ROR1: variants seen among roughly 807,000 people sequenced by gnomAD.
ROR1 encodes the protein ROR family WNT receptor 1, also known as inactive tyrosine-protein kinase transmembrane receptor ROR1.
A neutral mutation model predicts 78.8 loss-of-function variants in ROR1; 19 were observed. That is an observed-to-expected ratio of 0.24 (90% CI 0.17 to 0.35). The LOEUF (loss-of-function observed/expected upper bound fraction) is 0.35, where lower values mean the gene tolerates loss of function less well. ROR1 is among the 10% of genes least tolerant of loss of function. ROR1 has a pLI of 1.00. For synonymous variants in ROR1, 386 were observed against 433.6 expected (o/e 0.89, Z 1.36); for missense variants, 917 against 1,177.8 (o/e 0.78, Z 3.24).
At chr1:64,022,362 G>T (rs116730410) in intron 2 of ROR1, among the ~76,000 whole-genome samples, 8,431 of 152,184 alleles carry the variant, frequency 0.055, 299 homozygotes, top group Non-Finnish European at 0.075. Context: ...CCACTAAATT[G>T]TTCACTTTAA....
At chr1:63,964,230 A>T (rs1252142193) in intron 1 of ROR1, among the ~76,000 whole-genome samples, 4 of 152,188 alleles carry the variant, frequency 2.6e-5, no homozygotes, top group African/African-American at 9.6e-5. Flanking sequence ...ACCAGATCCC[A>T]CTTCCCTTAG....
At chr1:63,959,740 C>T (rs1333322974) in intron 1 of ROR1, among the ~76,000 whole-genome samples, 1 of 152,204 alleles carries the variant, frequency 6.6e-6, no homozygotes, top group Non-Finnish European at 1.5e-5. Flanking sequence ...GATTCACTGG[C>T]TTCCCATTCC....
Position 64,048,125 on chromosome 1 carries a change from G to A in ROR1, c.164-1566G>A, listed in dbSNP as rs112976450. 3.9e-3 allele frequency among the ~76,000 whole-genome samples: 601 copies of A among 152,242 alleles called. 7 individuals carry two copies. The highest frequency in any genetic ancestry group is 0.014 in the African/African-American group (562 of 41,544). ...AGACATTTGGGCAATTAAATTACCC[G>A]GTTAAATAGCTCAGAAAAATGTTAC... On this transcript the variant is annotated intron_variant, in intron 2 of 8. Coordinates refer to ENST00000371079, the MANE Select transcript of ROR1 (RefSeq NM_005012.4).
chr1:63,914,384 A>C (rs1264574026), intron 1 of ROR1, among the ~76,000 whole-genome samples: 1 of 152,108 alleles, frequency 6.6e-6, no homozygotes, highest in Non-Finnish European at 1.5e-5. Flanking sequence ...GTGTGGTTTC[A>C]CTTCCTAGGG....
intron 2 of ROR1, among the ~76,000 whole-genome samples, chr1:64,020,807 G>A (rs567061782): frequency 4.6e-5 from 7 of 152,198 alleles, no homozygotes; most frequent in African/African-American, 1.2e-4. Context: ...TCTGCAACCC[G>A]TTGCAGACAT....
intron 1 of ROR1, among the ~76,000 whole-genome samples, chr1:63,976,132 AC>A (rs1223289413): frequency 6.6e-6 from 1 of 152,150 alleles, no homozygotes; most frequent in Non-Finnish European, 1.5e-5. Context: ...AAAACTAGAT[AC>A]CCCTGTGATA....
intron 1 of ROR1, among the ~76,000 whole-genome samples, chr1:63,946,899 A>T (rs1645893904): frequency 1.3e-5 from 2 of 152,156 alleles, no homozygotes; most frequent in Admixed American, 1.3e-4. Flanking sequence ...TAACGGAGGG[A>T]GTAAGGCTTC....
intron 4 of ROR1, among the ~76,000 whole-genome samples, chr1:64,117,971 C>T (rs767565392): frequency 2.6e-4 from 39 of 152,200 alleles, no homozygotes; most frequent in Non-Finnish European, 3.8e-4. Flanking sequence ...GAGTTCAAGG[C>T]GGGGAGATCA....
chr1:63,837,321 T>G (rs976578423), intron 1 of ROR1, among the ~76,000 whole-genome samples: 1 of 152,216 alleles, frequency 6.6e-6, no homozygotes, highest in Admixed American at 6.5e-5. Flanking sequence ...GCTGGTGTTT[T>G]GAAAGTGGTT....
At chr1:63,840,407 G>A (rs932238933) in intron 1 of ROR1, among the ~76,000 whole-genome samples, 1 of 151,496 alleles carries the variant, frequency 6.6e-6, no homozygotes, top group Non-Finnish European at 1.5e-5. Context: ...AGCCTCCTGA[G>A]TAGCTGGGAC....
chr1:63,842,976 C>T (rs1474153316), intron 1 of ROR1, among the ~76,000 whole-genome samples: 1 of 151,992 alleles, frequency 6.6e-6, no homozygotes, highest in Non-Finnish European at 1.5e-5. Context: ...ATAAGAAGAT[C>T]AAAAGCAGTT....
intron 1 of ROR1, among the ~76,000 whole-genome samples, chr1:63,954,858 A>G (rs952152402): frequency 2.6e-5 from 4 of 152,164 alleles, no homozygotes; most frequent in Non-Finnish European, 5.9e-5. Context: ...CCTGGAACCA[A>G]TCCCCCAAGA....
At chr1:64,127,195 T>A (rs1648741099) in intron 4 of ROR1, among the ~76,000 whole-genome samples, 1 of 152,324 alleles carries the variant, frequency 6.6e-6, no homozygotes, top group Admixed American at 6.5e-5. Context: ...TTGTCTCTTT[T>A]TCACTAAATC....
At position 64,178,932 on chromosome 1, in the gene ROR1, A is replaced by G. The variant is rs144351291; in HGVS notation, c.*77A>G. ...AAAAGATTTATATTCAAATGTTTTTATTAAAGTAAGGTTCTCATTTAGCAG... is the reference window on the plus strand; with the variant it reads ...AAAAGATTTATATTCAAATGTTTTTGTTAAAGTAAGGTTCTCATTTAGCAG... On this transcript the variant is annotated 3_prime_UTR_variant, in exon 9 of 9. Coordinates refer to ENST00000371079, the MANE Select transcript of ROR1 (RefSeq NM_005012.4). The surrounding 1 kb of genome is among the most constrained non-coding windows in gnomAD (Gnocchi z 4.3). 6.8e-3 allele frequency: 7,545 copies of G among 1,112,364 alleles called. 40 individuals carry two copies. Among genetic ancestry groups the G allele is most frequent in the Non-Finnish European group, 8.2e-3 (6,499 of 794,252 alleles). 68.9% of individuals were successfully genotyped at this position (1,112,364 alleles called of 1,614,324 possible). A position where few individuals can be genotyped will look rare whatever the true frequency, so the allele number is the denominator to read the frequency against.
chr1:64,007,956 CTT>C lies in ROR1; in HGVS notation c.92-1334_92-1333del, dbSNP rs74261212. On this transcript the variant is annotated intron_variant, in intron 1 of 8. Transcript: ENST00000371079. ...GGGCGAGGTGTATTTTGCCCTTGTT[CTT>C]TTTTTTTTTTTTTTGCAATTTCCAT... 6.9e-3 allele frequency among the ~76,000 whole-genome samples: 945 copies of C among 137,658 alleles called. 7 individuals carry two copies. The highest frequency in any genetic ancestry group is 0.02 in the African/African-American group (672 of 34,310). The allele number at this position is 137,658 out of a possible 152,430, so 90.3% of individuals were successfully genotyped here.
intron 1 of ROR1, among the ~76,000 whole-genome samples, chr1:63,824,440 C>T (rs1168976883): frequency 6.6e-6 from 1 of 151,986 alleles, no homozygotes; most frequent in Non-Finnish European, 1.5e-5. Context: ...CCCCCAGTCA[C>T]TTAAAAATTT....
chr1:64,143,090 C>A, intron 7 of ROR1: 2 of 1,018,500 alleles, frequency 2.0e-6, no homozygotes, highest in Non-Finnish European at 2.4e-6. Flanking sequence ...ACTCGGTCAT[C>A]CAGGACAATC....
chr1:63,908,836 A>G (rs1471309999), intron 1 of ROR1, among the ~76,000 whole-genome samples: 2 of 152,182 alleles, frequency 1.3e-5, no homozygotes, highest in Non-Finnish European at 2.9e-5. Context: ...TCCGGCCCCT[A>G]CCATGAAAGC....
intron 1 of ROR1, among the ~76,000 whole-genome samples, chr1:63,927,572 AAT>A (rs199647189): frequency 6.6e-6 from 1 of 150,818 alleles, no homozygotes; most frequent in Non-Finnish European, 1.5e-5. Flanking sequence ...AAAAAAAAAA[AAT>A]AGAGTAGCCT....
Sources: gnomAD v4.1 joint callset for allele counts (sites outside exome capture counted in the v4.1 genomes callset) on GRCh38, gnomAD v4.1.1 for gene constraint, Gnocchi (gnomAD v3.1) non-coding constraint, MANE v1.5 for transcripts, NCBI Gene and HGNC (gene_info 2026-07-23, HGNC 2026-07-21) for gene names.